CTTN: variants seen among roughly 807,000 people sequenced by gnomAD.
CTTN encodes the protein src substrate cortactin.
In CTTN, 28 loss-of-function variants were observed where a neutral mutation model predicts 84.0. The ratio of observed to expected loss-of-function variants is 0.33; its 90% CI spans 0.25 to 0.46. The LOEUF is 0.46. Among genes scored for constraint, CTTN ranks in the 20% least tolerant of loss-of-function variants. The pLI, the probability that CTTN is intolerant of heterozygous loss-of-function variation, is 1.00. For missense variants in CTTN, 641 were observed against 723.8 expected, an observed-to-expected ratio of 0.89 and a Z score of 1.31; for synonymous variants, 301 against 288.8, an observed-to-expected ratio of 1.04 and a Z score of -0.43.
intron 10 of CTTN, among the ~76,000 whole-genome samples, chr11:70,421,038 G>A (rs539673441): frequency 1.3e-5 from 2 of 152,326 alleles, no homozygotes; most frequent in East Asian, 3.9e-4. Context: ...GAGCCTGAGG[G>A]GGCTGAAAGC....
chr11:70,402,050 A>T (rs534441572), intron 1 of CTTN, among the ~76,000 whole-genome samples: 204 of 150,408 alleles, frequency 1.4e-3, no homozygotes, highest in African/African-American at 4.9e-3. Flanking sequence ...CTACTCGGGA[A>T]GCTGAGGCAG....
At chr11:70,427,105 T>C (rs2058308435) in intron 13 of CTTN, among the ~76,000 whole-genome samples, 1 of 151,418 alleles carries the variant, frequency 6.6e-6, no homozygotes, top group Admixed American at 6.6e-5. Flanking sequence ...ATCCCAGCAC[T>C]CTGGGAGGCC....
chr11:70,419,686 C>A, intron 8 of CTTN, 60 bp from the exon 9 acceptor site: 1 of 1,396,430 alleles, frequency 7.2e-7, no homozygotes, highest in Non-Finnish European at 1.0e-6. Context: ...GGATAAAATA[C>A]TTGCATGTTC....
At chr11:70,426,668 C>T (rs117100242) in intron 13 of CTTN, among the ~76,000 whole-genome samples, 2,213 of 151,556 alleles carry the variant, frequency 0.015, 120 homozygotes, top group East Asian at 0.14. Context: ...CTGCAAGCTC[C>T]GCCTCCCATC....
chr11:70,419,708 T>C, intron 8 of CTTN, 38 bp from the exon 9 acceptor site: 1 of 1,537,100 alleles, frequency 6.5e-7, no homozygotes, highest in South Asian at 1.2e-5. Flanking sequence ...CTGATTTCGT[T>C]GCTCCTTTTA....
intron 17 of CTTN, among the ~76,000 whole-genome samples, chr11:70,434,052 G>A (rs2058386449): frequency 6.6e-6 from 1 of 152,224 alleles, no homozygotes; most frequent in African/African-American, 2.4e-5. Flanking sequence ...CACCCTCCAG[G>A]TGAGGGGGCC....
At chr11:70,399,780 C>T (rs375151938) in intron 1 of CTTN, among the ~76,000 whole-genome samples, 14 of 152,142 alleles carry the variant, frequency 9.2e-5, no homozygotes, top group African/African-American at 3.4e-4. Flanking sequence ...CGGAGGCATC[C>T]GGTGAGCGCT....
At chr11:70,414,772 C>T in intron 6 of CTTN, 120 bp downstream of exon 6, 1 of 668,302 alleles carries the variant, frequency 1.5e-6, no homozygotes, top group Non-Finnish European at 2.7e-6. Context: ...TGGGGGACTG[C>T]AGAGAGGGGC....
rs2135552763 is a variant in CTTN, at chr11:70,406,600, G to A, written c.1-698G>A. ...TTGTCTTGTTAGGGTTTACAGATGT[G>A]CCATTGTTCTGTATAACAGAGAAAA... On this transcript the variant is annotated intron_variant, in intron 2 of 17. Transcript: ENST00000301843. 2.0e-5 allele frequency among the ~76,000 whole-genome samples: 3 copies of A among 151,952 alleles called. 1 individual carries two copies. In the Middle Eastern group the frequency reaches 0.01, roughly 524 times the overall value.
In CTTN at chr11:70,435,987, C is replaced by T; in HGVS notation, c.*825C>T. On this transcript the variant is annotated 3_prime_UTR_variant, in exon 18 of 18. Coordinates refer to ENST00000301843, the MANE Select transcript of CTTN (RefSeq NM_005231.4). ...TCACAAAGGCTGATGTCTTAACTGT[C>T]ACCCATATGGTCCCTGGGCCACCGG... 1 of 1,430,110 alleles carries T rather than the reference C, an allele frequency of 7.0e-7. No homozygotes were observed. The highest frequency in any genetic ancestry group is 9.1e-7 in the Non-Finnish European group (1 of 1,098,942). The allele number at this position is 1,430,110 out of a possible 1,614,324, so 88.6% of individuals were successfully genotyped here. A position where few individuals can be genotyped will look rare whatever the true frequency, so the allele number is the denominator to read the frequency against.
chr11:70,420,581 A>G (rs1042734513), intron 10 of CTTN, 71 bp downstream of exon 10: 1 of 1,125,944 alleles, frequency 8.9e-7, no homozygotes, highest in Non-Finnish European at 1.4e-6. Context: ...GTCAGTTGGT[A>G]TGTGTTGTGT....
intron 14 of CTTN, among the ~76,000 whole-genome samples, chr11:70,430,502 C>T (rs543693162): frequency 1.3e-5 from 2 of 152,212 alleles, no homozygotes; most frequent in African/African-American, 4.8e-5. Flanking sequence ...CCCTCACACT[C>T]CTGCCTCCCT....
intron 2 of CTTN, among the ~76,000 whole-genome samples, chr11:70,406,187 A>G (rs2058039689): frequency 6.6e-6 from 1 of 152,224 alleles, no homozygotes; most frequent in Admixed American, 6.5e-5. Flanking sequence ...CTTCCCCAAG[A>G]GACAAAGTCG....
At chr11:70,434,687 T>C (rs1228139074) in intron 17 of CTTN, among the ~76,000 whole-genome samples, 1 of 151,796 alleles carries the variant, frequency 6.6e-6, no homozygotes, top group African/African-American at 2.4e-5. Context: ...GCAGCCCATC[T>C]CCCCACCCCC....
chr11:70,404,578 G>T (rs2058022275), intron 1 of CTTN, among the ~76,000 whole-genome samples: 1 of 152,140 alleles, frequency 6.6e-6, no homozygotes, highest in Non-Finnish European at 1.5e-5. Context: ...GTTTTAAAAA[G>T]CTCACAGTAA....
chr11:70,419,718 A>G (rs2135575955), intron 8 of CTTN, 28 bp from the exon 9 acceptor site: 1 of 1,571,216 alleles, frequency 6.4e-7, no homozygotes, highest in East Asian at 2.2e-5. Flanking sequence ...TGCTCCTTTT[A>G]AAGTAGTCCT....
intron 17 of CTTN, among the ~76,000 whole-genome samples, chr11:70,434,663 C>G (rs2058394543): frequency 6.6e-6 from 1 of 152,268 alleles, no homozygotes; most frequent in Non-Finnish European, 1.5e-5. Context: ...GGCTGTCCTT[C>G]CACTGCGGCC....
intron 4 of CTTN, chr11:70,408,470 T>G (rs2058067243): frequency 6.6e-6 from 1 of 152,308 alleles, no homozygotes; most frequent in Non-Finnish European, 1.5e-5. Context: ...CAATCATAGC[T>G]CACTGCAGCT....
intron 10 of CTTN, among the ~76,000 whole-genome samples, chr11:70,420,987 G>A (rs981310541): frequency 1.3e-5 from 2 of 152,372 alleles, no homozygotes; most frequent in South Asian, 2.1e-4. Flanking sequence ...TGAACCGAAA[G>A]TGTTTTCTTG....
Sources: allele counts gnomAD v4.1 joint callset (sites outside exome capture counted in the v4.1 genomes callset), GRCh38; gene constraint gnomAD v4.1.1; transcripts MANE v1.5; gene names NCBI Gene and HGNC (gene_info 2026-07-23, HGNC 2026-07-21).